The following SLC35B1 variants were observed in gnomAD, a reference collection of about 807,000 sequenced individuals.
The protein encoded by SLC35B1 is ATP/ADP exchanger ER.
Under a neutral mutation model 36.6 loss-of-function variants are expected in SLC35B1, and 27 were observed. That is an observed-to-expected ratio of 0.74 (90% confidence interval 0.54 to 1.02). The LOEUF is 1.02. Ranked by LOEUF, SLC35B1 falls within the 50% of genes least tolerant of loss-of-function variation. The probability of loss-of-function intolerance (pLI) is 0.00; values close to 1 mark genes in which losing one functional copy is unlikely to be tolerated. For synonymous variants in SLC35B1, 162 were observed against 152.5 expected (o/e 1.06, Z -0.46); for missense variants, 321 against 383.2 (o/e 0.84, Z 1.35).
intron 2 of SLC35B1, 77 bp downstream of exon 2, chr17:49,706,888 A>C (rs1236072911): frequency 9.7e-7 from 1 of 1,027,506 alleles, no homozygotes; most frequent in African/African-American, 1.6e-5. Context: ...TTAAGGTTGA[A>C]TCAATGCTTA....
chr17:49,705,448 T>C (rs1380811126), intron 4 of SLC35B1, 167 bp from the exon 5 acceptor site: 4 of 667,258 alleles, frequency 6.0e-6, no homozygotes, highest in Non-Finnish European at 1.0e-5. Context: ...TAGATAAGGA[T>C]TGAGCAACAG....
chr17:49,703,415 A>G, intron 6 of SLC35B1, 121 bp from the exon 7 acceptor site: 1 of 707,184 alleles, frequency 1.4e-6, no homozygotes, highest in South Asian at 1.5e-5. Context: ...ACTGCAAGGG[A>G]GGTGGGACGC....
At chr17:49,703,137 G>T in intron 7 of SLC35B1, 51 bp downstream of exon 7, 3 of 1,585,752 alleles carry the variant, frequency 1.9e-6, no homozygotes, top group Admixed American at 3.3e-5. Flanking sequence ...CTTTCTTAGG[G>T]AACCAGCTGC....
At chr17:49,703,331 G>C in intron 6 of SLC35B1, 37 bp from the exon 7 acceptor site, 1 of 1,320,054 alleles carries the variant, frequency 7.6e-7, no homozygotes, top group Non-Finnish European at 1.1e-6. Context: ...GGCGCATTTT[G>C]TGCACACAAA....
In SLC35B1 at chr17:49,704,139, G is replaced by A; in HGVS notation, c.616C>T (p.Leu206=). ...HYQTGSNHMM[L]NINLWSTLLL... is the part of the protein sequence containing the mutation. ...AATGTCGACCAAAGGTTGATGTTCA[G>A]CATCATGTGGTTGGAGCCTGTTTGG... Residue 206 remains leucine (L), a synonymous_variant, in exon 6 of 9, where the codon CTG becomes TTG. Coordinates refer to ENST00000240333, the MANE Select transcript of SLC35B1 (RefSeq NM_005827.4). The A allele has an allele frequency of 6.2e-7, 1 of 1,614,176 alleles. No individual in the cohort carries two copies. Among genetic ancestry groups the A allele is most frequent in the South Asian group, 1.1e-5 (1 of 91,086 alleles).
Position 49,707,857 on chromosome 17 carries a change from G to A in SLC35B1, c.-24C>T, listed in dbSNP as rs746493601. 1 of 1,610,728 alleles carries A rather than the reference G, an allele frequency of 6.2e-7. No individual in the cohort carries two copies. Among genetic ancestry groups the A allele is most frequent in the Non-Finnish European group, 8.5e-7 (1 of 1,179,348 alleles). ...ATGAGACGCCCAGAGGAGCCGACTGGAGACCCGCTCACAACCGGCACCGGC... is the reference window on the plus strand; with the variant it reads ...ATGAGACGCCCAGAGGAGCCGACTGAAGACCCGCTCACAACCGGCACCGGC... On this transcript the variant is annotated 5_prime_UTR_variant, in exon 1 of 9. Transcript: ENST00000240333.
chr17:49,706,102 C>CTTTTTT, intron 3 of SLC35B1, 102 bp downstream of exon 3: 10 of 837,058 alleles, frequency 1.2e-5, no homozygotes, highest in Middle Eastern at 3.7e-4. Context: ...GGACCGTTAT[C>CTTTTTT]TTTTTTTTTT....
chr17:49,706,380 A>AG, intron 2 of SLC35B1, 46 bp from the exon 3 acceptor site: 2 of 1,429,000 alleles, frequency 1.4e-6, no homozygotes, highest in Non-Finnish European at 1.8e-6. Context: ...AGAAAAGAAA[A>AG]AAAAAAAAAA....
At chr17:49,706,365 A>AT in intron 2 of SLC35B1, 31 bp from the exon 3 acceptor site, 1 of 1,073,660 alleles carries the variant, frequency 9.3e-7, no homozygotes, top group Non-Finnish European at 1.2e-6. Flanking sequence ...AAAAAAAAAA[A>AT]GAAAAGAAAA....
In SLC35B1 at chr17:49,702,933, T is replaced by G. The variant is rs80203972; in HGVS notation, c.841A>C (p.Ile281Leu). The change falls in exon 8 of 9, where the codon ATT becomes CTT. Residue 281 changes from isoleucine to leucine, a missense_variant. Ile to Leu is a conservative substitution (Grantham distance 5). Transcript: ENST00000240333. Reference protein sequence around the residue: ...IITTTRKFFTILASVILFANP... With the variant: ...IITTTRKFFTLLASVILFANP... Reference sequence around the variant, plus strand: ...GCGAAGAGGATCACAGAGGCCAAAATTGTGAAGAACTTTCGAGTTGTAGTG... The same window carrying G: ...GCGAAGAGGATCACAGAGGCCAAAAGTGTGAAGAACTTTCGAGTTGTAGTG... The G allele has an allele frequency of 1.2e-5, 20 of 1,613,808 alleles. No individual in the cohort carries two copies. The highest frequency in any genetic ancestry group is 1.7e-5 in the Non-Finnish European group (20 of 1,179,986).
At chr17:49,705,817 A>G (rs780681906) in intron 4 of SLC35B1, 49 bp downstream of exon 4, 13 of 1,579,874 alleles carry the variant, frequency 8.2e-6, no homozygotes, top group Middle Eastern at 1.7e-4. Context: ...GAGAGAGCTT[A>G]CTATAGGAAG....
In SLC35B1 at chr17:49,703,314, A is replaced by G. The variant is rs1349021909; in HGVS notation, c.656-20T>C. On this transcript the variant is annotated intron_variant, in intron 6 of 8. Transcript: ENST00000240333. ...GGATTCCTGAGAAGACATGTCAACA[A>G]ATGTACGGCGCATTTTGTGCACACA... 2.0e-6 allele frequency: 3 copies of G among 1,514,412 alleles called. No individual in the cohort carries two copies. The highest frequency in any genetic ancestry group is 2.7e-6 in the Non-Finnish European group (3 of 1,091,246). The allele number at this position is 1,514,412 out of a possible 1,614,324, so 93.8% of individuals were successfully genotyped here.
chr17:49,703,922 A>T (rs1024039072), intron 6 of SLC35B1, 178 bp downstream of exon 6: 2 of 674,082 alleles, frequency 3.0e-6, no homozygotes, highest in Non-Finnish European at 5.0e-6. Context: ...AACAAGTAGC[A>T]AACAAATCCT....
chr17:49,703,156 G>A (rs1413451115), intron 7 of SLC35B1, 32 bp downstream of exon 7: 1 of 1,590,946 alleles, frequency 6.3e-7, no homozygotes, highest in African/African-American at 1.3e-5. Context: ...GCCAGAGTAG[G>A]GAAGCCAAGC....
In SLC35B1 at chr17:49,705,478, A is replaced by T. The variant is rs970145471; in HGVS notation, c.371-197T>A. On this transcript the variant is annotated intron_variant, in intron 4 of 8. Transcript: ENST00000240333. ...CAACAGGGTTAAGTATAAGACAGGG[A>T]GGAGGTAGAGAACAAAGGTGAAAAG... 1.3e-5 allele frequency: 8 copies of T among 607,378 alleles called. No individual in the cohort carries two copies. In the Admixed American group the frequency reaches 2.5e-4, roughly 19 times the overall value. 37.6% of individuals were successfully genotyped at this position (607,378 alleles called of 1,614,324 possible). A position where few individuals can be genotyped will look rare whatever the true frequency, so the allele number is the denominator to read the frequency against.
At position 49,701,245 on chromosome 17, in the gene SLC35B1, T is replaced by C; in HGVS notation, c.*213A>G. On this transcript the variant is annotated 3_prime_UTR_variant, in exon 9 of 9. Transcript: ENST00000240333. ...TCTTCCCTCCCTCTTTTATTTACCATAGACTGCTCCAGGGCATGAAGAACA... is the reference window on the plus strand; with the variant it reads ...TCTTCCCTCCCTCTTTTATTTACCACAGACTGCTCCAGGGCATGAAGAACA... The C allele has an allele frequency of 1.9e-6, 1 of 528,722 alleles. No homozygotes were observed. Among genetic ancestry groups the C allele is most frequent in the East Asian group, 3.1e-5 (1 of 31,842 alleles). 32.8% of individuals were successfully genotyped at this position (528,722 alleles called of 1,614,324 possible). A position where few individuals can be genotyped will look rare whatever the true frequency, so the allele number is the denominator to read the frequency against.
chr17:49,702,727 C>T (rs1013568755), intron 8 of SLC35B1, 131 bp downstream of exon 8: 14 of 1,001,388 alleles, frequency 1.4e-5, no homozygotes, highest in Non-Finnish European at 1.9e-5. Context: ...GCCTGGGCAA[C>T]AAGAGCGAAA....
At chr17:49,703,698 T>A (rs977273466) in intron 6 of SLC35B1, 3 of 320,066 alleles carry the variant, frequency 9.4e-6, no homozygotes, top group Non-Finnish European at 1.8e-5. Flanking sequence ...ACTTTCTACA[T>A]GTGCCCAAAT....
In SLC35B1 at chr17:49,707,088, GA is replaced by G; in HGVS notation, c.105-21del. 1.3e-6 allele frequency: 2 copies of G among 1,575,498 alleles called. No homozygotes were observed. Among genetic ancestry groups the G allele is most frequent in the Non-Finnish European group, 1.7e-6 (2 of 1,145,640 alleles). On this transcript the variant is annotated intron_variant, in intron 1 of 8. Transcript: ENST00000240333. ...CTTGTTCTAGAAATGAAATGCATGA[GA>G]AAAGAGGGAGAAATTAGTGTATTTC...
Sources: gnomAD v4.1 joint callset for allele counts on GRCh38, gnomAD v4.1.1 for gene constraint, MANE v1.5 for transcripts, NCBI Gene and HGNC (gene_info 2026-07-23, HGNC 2026-07-21) for gene names.